Variants in SSR1 observed in about 807,000 individuals in gnomAD.
SSR1 encodes signal sequence receptor subunit 1.
Under a neutral mutation model 36.1 loss-of-function variants are expected in SSR1, and 13 were observed. The ratio of observed to expected loss-of-function variants is 0.36; its 90% CI spans 0.23 to 0.57. The LOEUF is 0.57. Ranked by LOEUF, SSR1 falls within the 20% of genes least tolerant of loss-of-function variation. The probability of loss-of-function intolerance (pLI) is 0.81; values close to 1 mark genes in which losing one functional copy is unlikely to be tolerated. For missense variants in SSR1, 291 were observed against 338.5 expected, an observed-to-expected ratio of 0.86 and a Z score of 1.10; for synonymous variants, 113 against 118.9, an observed-to-expected ratio of 0.95 and a Z score of 0.32.
intron 4 of SSR1, among the ~76,000 whole-genome samples, chr6:7,299,704 A>G (rs1243588586): frequency 6.6e-6 from 1 of 151,772 alleles, no homozygotes; most frequent in East Asian, 1.9e-4. Context: ...AAAAAAAAAA[A>G]GACAGTGGGC....
Position 7,306,901 on chromosome 6 carries a change from A to C in SSR1, c.192+3016T>G, listed in dbSNP as rs577433986. Among the ~76,000 whole-genome samples, 991 of 124,262 alleles carry C rather than the reference A, an allele frequency of 8.0e-3. 2 individuals carry two copies. The highest frequency in any genetic ancestry group is 0.011 in the Non-Finnish European group (708 of 62,714). The allele number at this position is 124,262 out of a possible 152,430, so 81.5% of individuals were successfully genotyped here. On this transcript the variant is annotated intron_variant, in intron 2 of 7. Transcript: ENST00000244763. ...CACTGCACTCCAGCCTGGGCGACAG[A>C]GCGAGACTCTGTCTGGGTGGTGGGG...
At position 7,288,213 on chromosome 6, in the gene SSR1, A is replaced by G. The variant is rs1439163306; in HGVS notation, c.*1651T>C. The G allele has an allele frequency of 1.3e-5, 2 of 152,198 alleles. No homozygotes were observed. 9.4% of individuals were successfully genotyped at this position (152,198 alleles called of 1,614,324 possible). On this transcript the variant is annotated 3_prime_UTR_variant, in exon 8 of 8. Coordinates refer to ENST00000244763, the MANE Select transcript of SSR1 (RefSeq NM_003144.5). ...AATGTTTTGGAATATATTCCTTGGG[A>G]ATGTGAAGGGTCTCCTATATTACAT...
In SSR1 at chr6:7,313,112, G is replaced by A. The variant is rs771468134; in HGVS notation, c.9C>T (p.Leu3=). The A allele has an allele frequency of 3.1e-6, 5 of 1,606,068 alleles. No homozygotes were observed. Among genetic ancestry groups the A allele is most frequent in the Non-Finnish European group, 3.4e-6 (4 of 1,176,128 alleles). MR[L]LPRLLLLLLL... ...AGAGAAGCAGCAGCAAGCGGGGGAGGAGTCTCATGGCGCTGCCGGTCCAGT... is the reference window on the plus strand; with the variant it reads ...AGAGAAGCAGCAGCAAGCGGGGGAGAAGTCTCATGGCGCTGCCGGTCCAGT... Residue 3 remains leucine, a synonymous_variant, in exon 1 of 8, where the codon CTC becomes CTT. Transcript: ENST00000244763.
chr6:7,289,249 G>C lies in SSR1; in HGVS notation c.*615C>G, dbSNP rs1009577277. 5 of 152,220 alleles carry C rather than the reference G, an allele frequency of 3.3e-5. No homozygotes were observed. Among genetic ancestry groups the C allele is most frequent in the African/African-American group, 1.2e-4 (5 of 41,440 alleles). The allele number at this position is 152,220 out of a possible 1,614,324, so 9.4% of individuals were successfully genotyped here. On this transcript the variant is annotated 3_prime_UTR_variant, in exon 8 of 8. Coordinates refer to ENST00000244763, the MANE Select transcript of SSR1 (RefSeq NM_003144.5). ...TCATGTTTCACAATTTGTTGCCAGAGAGATCCCCAAATTCCTTGAAGCCAC... is the reference window on the plus strand; with the variant it reads ...TCATGTTTCACAATTTGTTGCCAGACAGATCCCCAAATTCCTTGAAGCCAC...
intron 7 of SSR1, among the ~76,000 whole-genome samples, chr6:7,292,553 TC>T (rs923958800): frequency 2.3e-5 from 3 of 128,598 alleles, no homozygotes; most frequent in African/African-American, 8.2e-5. Context: ...TCCTTTCTTT[TC>T]TTTTTTTTCT....
At chr6:7,311,560 C>G (rs1162179763) in intron 1 of SSR1, among the ~76,000 whole-genome samples, 6 of 152,188 alleles carry the variant, frequency 3.9e-5, no homozygotes, top group Non-Finnish European at 1.5e-5. Flanking sequence ...ATAGTGCATT[C>G]ATAACTTACA....
At chr6:7,293,342 C>T (rs1983848) in intron 7 of SSR1, among the ~76,000 whole-genome samples, 55,990 of 151,536 alleles carry the variant, frequency 0.37, 10,363 homozygotes, top group South Asian at 0.43. Context: ...TATCCCTCAC[C>T]CCCCTCCTAC....
Position 7,306,780 on chromosome 6 carries a change from G to A in SSR1, c.192+3137C>T, listed in dbSNP as rs550986424. On this transcript the variant is annotated intron_variant, in intron 2 of 7. Transcript: ENST00000244763. ...AAATACAAAAAATTAGCCGGGTGTG[G>A]TGGCGGGCGCCTATAATCCCAGCTA... Among the ~76,000 whole-genome samples, 294 of 151,950 alleles carry A rather than the reference G, an allele frequency of 1.9e-3. 1 individual carries two copies. Among genetic ancestry groups the A allele is most frequent in the African/African-American group, 6.7e-3 (276 of 41,476 alleles).
intron 3 of SSR1, among the ~76,000 whole-genome samples, chr6:7,303,126 G>A (rs570168632): frequency 7.3e-4 from 74 of 101,164 alleles, no homozygotes; most frequent in African/African-American, 3.0e-3. Context: ...GTGACAGAGC[G>A]AGACTACATC....
At chr6:7,307,623 C>T (rs1758099864) in intron 2 of SSR1, among the ~76,000 whole-genome samples, 1 of 152,182 alleles carries the variant, frequency 6.6e-6, no homozygotes, top group Non-Finnish European at 1.5e-5. Context: ...CTCACTGTAA[C>T]ACTGAACTTC....
Position 7,309,902 on chromosome 6 carries a change from G to A in SSR1, c.192+15C>T. ...ACATACATTTTACATATATTAAATAGTATGTAACACTAACCAAATCTGTGG... is the reference window on the plus strand; with the variant it reads ...ACATACATTTTACATATATTAAATAATATGTAACACTAACCAAATCTGTGG... On this transcript the variant is annotated intron_variant, in intron 2 of 7. Coordinates refer to ENST00000244763, the MANE Select transcript of SSR1 (RefSeq NM_003144.5). 1 of 1,532,264 alleles carries A rather than the reference G, an allele frequency of 6.5e-7. No homozygotes were observed. Among genetic ancestry groups the A allele is most frequent in the Non-Finnish European group, 9.0e-7 (1 of 1,106,064 alleles). The allele number at this position is 1,532,264 out of a possible 1,614,324, so 94.9% of individuals were successfully genotyped here.
chr6:7,305,322 A>C (rs1440683532), intron 2 of SSR1, among the ~76,000 whole-genome samples: 2 of 152,230 alleles, frequency 1.3e-5, no homozygotes, highest in Non-Finnish European at 2.9e-5. Context: ...TCCTGTGAAG[A>C]GCTGGAAAAG....
At chr6:7,304,548 G>A (rs1316292838) in intron 2 of SSR1, among the ~76,000 whole-genome samples, 1 of 152,126 alleles carries the variant, frequency 6.6e-6, no homozygotes, top group Non-Finnish European at 1.5e-5. Flanking sequence ...ATCTTCCTGG[G>A]TTGATAGAAA....
intron 7 of SSR1, among the ~76,000 whole-genome samples, chr6:7,292,168 C>G (rs902630957): frequency 1.3e-5 from 2 of 152,226 alleles, no homozygotes; most frequent in Non-Finnish European, 2.9e-5. Flanking sequence ...TGCTCTGAAA[C>G]AGAACTTTCA....
chr6:7,304,098 C>A (rs1218670518), intron 2 of SSR1, among the ~76,000 whole-genome samples: 1 of 152,228 alleles, frequency 6.6e-6, no homozygotes, highest in Non-Finnish European at 1.5e-5. Flanking sequence ...GCCTCTTGAA[C>A]AGTAATGTGC....
intron 2 of SSR1, among the ~76,000 whole-genome samples, chr6:7,304,244 C>G (rs1758003073): frequency 6.6e-6 from 1 of 152,224 alleles, no homozygotes; most frequent in Non-Finnish European, 1.5e-5. Context: ...GGTTCTAGAA[C>G]AGAGCTTGGT....
intron 2 of SSR1, among the ~76,000 whole-genome samples, chr6:7,305,523 C>T (rs1030327218): frequency 6.6e-6 from 1 of 152,188 alleles, no homozygotes; most frequent in Non-Finnish European, 1.5e-5. Context: ...TAAGTAGGTG[C>T]AGCAAATGTG....
chr6:7,312,207 T>C (rs891859215), intron 1 of SSR1, among the ~76,000 whole-genome samples: 1 of 152,228 alleles, frequency 6.6e-6, no homozygotes, highest in Admixed American at 6.5e-5. Context: ...TGCCATATTT[T>C]TATATTCTGC....
intron 7 of SSR1, chr6:7,295,011 T>G: frequency 7.6e-7 from 1 of 1,324,268 alleles, no homozygotes; most frequent in Non-Finnish European, 1.0e-6. Context: ...TCATTAAACT[T>G]GACGTAAAAT....
Sources: gnomAD v4.1 joint callset for allele counts (sites outside exome capture counted in the v4.1 genomes callset) on GRCh38, gnomAD v4.1.1 for gene constraint, MANE v1.5 for transcripts, NCBI Gene and HGNC (gene_info 2026-07-23, HGNC 2026-07-21) for gene names.